Variants in MET observed in about 807,000 individuals in gnomAD.
MET encodes the protein MET proto-oncogene, receptor tyrosine kinase.
In MET, 48 loss-of-function variants were observed where a neutral mutation model predicts 133.1. The observed-to-expected ratio is 0.36, with a 90% CI of 0.29 to 0.46. MET has a LOEUF of 0.46. MET is among the 20% of genes least tolerant of loss of function. The probability of loss-of-function intolerance (pLI) is 1.00; values close to 1 mark genes in which losing one functional copy is unlikely to be tolerated. For missense variants in MET, 1,442 were observed against 1,695.9 expected (o/e 0.85, Z 2.63); for synonymous variants, 628 against 616.5 (o/e 1.02, Z -0.28).
At chr7:116,695,169 C>A (rs1796919922) in intron 1 of MET, among the ~76,000 whole-genome samples, 1 of 152,114 alleles carries the variant, frequency 6.6e-6, no homozygotes, top group African/African-American at 2.4e-5. Context: ...GTTAGATACA[C>A]TGATACCATA....
chr7:116,792,817 G>T (rs1042184480), intron 19 of MET, among the ~76,000 whole-genome samples: 4 of 152,186 alleles, frequency 2.6e-5, no homozygotes, highest in African/African-American at 9.7e-5. Context: ...CCTGATCACA[G>T]AACTTTGGCT....
At chr7:116,735,807 C>T (rs1407973213) in intron 3 of MET, among the ~76,000 whole-genome samples, 2 of 137,036 alleles carry the variant, frequency 1.5e-5, no homozygotes, top group Non-Finnish European at 3.1e-5. Context: ...CACAGTGTCT[C>T]GCTCTGTTGC....
chr7:116,744,200 A>G (rs1793569470), intron 5 of MET, among the ~76,000 whole-genome samples: 1 of 152,170 alleles, frequency 6.6e-6, no homozygotes, highest in African/African-American at 2.4e-5. Context: ...TAACAAATTG[A>G]CAGCAGCAGG....
chr7:116,754,983 G>GAAAGAAAGAAAGAAA, intron 5 of MET, among the ~76,000 whole-genome samples: 1 of 78,692 alleles, frequency 1.3e-5, no homozygotes, highest in South Asian at 5.6e-4. Context: ...AGCAGAGAAA[G>GAAAGAAAGAAAGAAA]GAAAGAAAGA....
At position 116,797,667 on chromosome 7, in the gene MET, G is replaced by T. The variant is rs1055736429; in HGVS notation, c.*1543G>T. ...TTTTTAATGATATGAGAAAAATTTT[G>T]TTAGGCCACAAAAACACTGCACTGT... is the stretch of plus-strand genomic sequence containing the variant. On this transcript the variant is annotated 3_prime_UTR_variant, in exon 21 of 21. Coordinates refer to ENST00000397752, the MANE Select transcript of MET (RefSeq NM_000245.4). 4 of 225,984 alleles carry T rather than the reference G, an allele frequency of 1.8e-5. No homozygotes were observed. Among genetic ancestry groups the T allele is most frequent in the Admixed American group, 5.7e-5 (1 of 17,484 alleles). 14.0% of individuals were successfully genotyped at this position (225,984 alleles called of 1,614,324 possible).
intron 2 of MET, among the ~76,000 whole-genome samples, chr7:116,703,418 T>A (rs1791652880): frequency 6.6e-6 from 1 of 152,162 alleles, no homozygotes; most frequent in African/African-American, 2.4e-5. Context: ...GCATCCTAAA[T>A]TAGTATTGAT....
At chr7:116,793,911 A>C (rs1795594444) in intron 19 of MET, among the ~76,000 whole-genome samples, 1 of 152,026 alleles carries the variant, frequency 6.6e-6, no homozygotes, top group Non-Finnish European at 1.5e-5. Flanking sequence ...AAAATAAAAA[A>C]GGAAAGAAAG....
intron 1 of MET, among the ~76,000 whole-genome samples, chr7:116,696,530 G>A (rs1006128633): frequency 7.2e-5 from 11 of 152,248 alleles, no homozygotes; most frequent in South Asian, 4.2e-4. Context: ...GTGGACCAAC[G>A]TCCTCCTTGA....
intron 17 of MET, among the ~76,000 whole-genome samples, chr7:116,781,559 TTTG>T (rs1429240484): frequency 3.3e-5 from 5 of 152,114 alleles, no homozygotes; most frequent in Admixed American, 2.0e-4. Flanking sequence ...GGGCACACTT[TTTG>T]TTGTTGTTGT....
chr7:116,726,178 T>TATAC (rs1562900129), intron 2 of MET, among the ~76,000 whole-genome samples: 2 of 3,596 alleles, frequency 5.6e-4, no homozygotes, highest in Admixed American at 3.1e-3. Context: ...TATATATATA[T>TATAC]GGGATATAAA....
intron 19 of MET, among the ~76,000 whole-genome samples, chr7:116,793,003 T>C (rs1174996552): frequency 2.6e-5 from 4 of 152,218 alleles, no homozygotes; most frequent in African/African-American, 9.7e-5. Flanking sequence ...GCTTCCGTAT[T>C]GTAGGTATGC....
Position 116,759,487 on chromosome 7 carries a change from A to C in MET, c.2361A>C (p.Thr787=). The C allele has an allele frequency of 6.2e-7, 1 of 1,613,022 alleles. No homozygotes were observed. Among genetic ancestry groups the C allele is most frequent in the Non-Finnish European group, 8.5e-7 (1 of 1,179,516 alleles). The change falls in exon 10 of 21, where the codon ACA becomes ACC. Residue 787 remains threonine, a synonymous_variant. Coordinates refer to ENST00000397752, the MANE Select transcript of MET (RefSeq NM_000245.4). ...INVHEAGRNF[T]VACQHRSNSE... ...TGCATGAAGCAGGAAGGAACTTTAC[A>C]GTGGTAAGTCCTTTGAGCAATGGTT... is the stretch of plus-strand genomic sequence containing the variant.
At chr7:116,680,805 G>A (rs1224662715) in intron 1 of MET, among the ~76,000 whole-genome samples, 1 of 152,042 alleles carries the variant, frequency 6.6e-6, no homozygotes, top group Admixed American at 6.5e-5. Context: ...AGCTGGACAT[G>A]GTGGCGCACA....
intron 17 of MET, among the ~76,000 whole-genome samples, chr7:116,780,946 T>A (rs1187458149): frequency 6.6e-6 from 1 of 152,214 alleles, no homozygotes. Flanking sequence ...GAACTGTCCC[T>A]CCCAAGGCTA....
At chr7:116,674,442 A>T (rs1294577229) in intron 1 of MET, among the ~76,000 whole-genome samples, 1 of 152,210 alleles carries the variant, frequency 6.6e-6, no homozygotes, top group Non-Finnish European at 1.5e-5. Context: ...AAATTGTCTT[A>T]ATGAGGGCTA....
At chr7:116,762,678 C>T (rs1465783185) in intron 10 of MET, among the ~76,000 whole-genome samples, 2 of 152,114 alleles carry the variant, frequency 1.3e-5, no homozygotes, top group African/African-American at 4.8e-5. Flanking sequence ...GGAGATGAGC[C>T]AAGGCCTTCT....
intron 11 of MET, among the ~76,000 whole-genome samples, chr7:116,768,897 T>C (rs1794730888): frequency 6.6e-6 from 1 of 152,192 alleles, no homozygotes; most frequent in Non-Finnish European, 1.5e-5. Context: ...TGCCTGATGG[T>C]AACTTCAGTT....
intron 18 of MET, among the ~76,000 whole-genome samples, chr7:116,783,082 ATC>A (rs1795201338): frequency 6.6e-6 from 1 of 152,208 alleles, no homozygotes; most frequent in Non-Finnish European, 1.5e-5. Context: ...ACAATTCATG[ATC>A]TCTTTCCTCA....
intron 11 of MET, among the ~76,000 whole-genome samples, chr7:116,769,198 T>C (rs1794745141): frequency 6.6e-6 from 1 of 152,216 alleles, no homozygotes; most frequent in Non-Finnish European, 1.5e-5. Context: ...CGGACATCAG[T>C]ATTTTTTAAA....
Sources: allele counts gnomAD v4.1 joint callset (sites outside exome capture counted in the v4.1 genomes callset), GRCh38; gene constraint gnomAD v4.1.1; transcripts MANE v1.5; gene names NCBI Gene and HGNC (gene_info 2026-07-23, HGNC 2026-07-21).